The following ETS2 variants were observed in gnomAD, a reference collection of about 807,000 sequenced individuals.
ETS2 encodes ETS proto-oncogene 2, transcription factor.
ETS2 carries 19 observed loss-of-function variants against 54.9 expected under a neutral mutation model. The observed-to-expected ratio is 0.35, with a 90% confidence interval of 0.24 to 0.51. ETS2 has a LOEUF of 0.51. Among genes scored for constraint, ETS2 ranks in the 20% least tolerant of loss-of-function variants. ETS2 has a pLI of 0.97. For synonymous variants in ETS2, 219 were observed against 229.3 expected (o/e 0.95, Z 0.41); for missense variants, 417 against 593.0 (o/e 0.70, Z 3.08).
Position 38,814,187 on chromosome 21 carries a change from T to C in ETS2, c.185-86T>C. The C allele has an allele frequency of 7.1e-7, 1 of 1,403,338 alleles. No homozygotes were observed. Among genetic ancestry groups the C allele is most frequent in the East Asian group, 2.3e-5 (1 of 43,314 alleles). The allele number at this position is 1,403,338 out of a possible 1,614,324, so 86.9% of individuals were successfully genotyped here. On this transcript the variant is annotated intron_variant, in intron 3 of 9. Coordinates refer to ENST00000360938, the MANE Select transcript of ETS2 (RefSeq NM_005239.6). The surrounding 1 kb of genome is among the most constrained non-coding windows in gnomAD (Gnocchi z 4.2). The stretch of plus-strand genomic sequence containing the variant: ...AGGTTTGAGATCAAAATTGTTCTTT[T>C]CCAAAAACTAAGATGTCTCTCCTAA...
chr21:38,819,264 G>A (rs1003073153), intron 7 of ETS2, among the ~76,000 whole-genome samples: 6 of 152,122 alleles, frequency 3.9e-5, no homozygotes, highest in South Asian at 4.1e-4. Context: ...CTTTTTCATC[G>A]CTGTATAGTA....
rs2060890983 is a variant in ETS2, at chr21:38,806,027, G to GGCGCCC, written c.-93_-88dup. 8.1e-7 allele frequency: 1 copy of GGCGCCC among 1,230,024 alleles called. No homozygotes were observed. Among genetic ancestry groups the GGCGCCC allele is most frequent in the African/African-American group, 1.6e-5 (1 of 61,176 alleles). The allele number at this position is 1,230,024 out of a possible 1,614,324, so 76.2% of individuals were successfully genotyped here. A position where few individuals can be genotyped will look rare whatever the true frequency, so the allele number is the denominator to read the frequency against. Reference sequence around the variant, plus strand: ...CCGGCCTCCCTGATCGTCTCTGGCCGGCGCCCTCGCCCTCGCCCGGCGCGC... The same window carrying GGCGCCC: ...CCGGCCTCCCTGATCGTCTCTGGCCGGCGCCCGCGCCCTCGCCCTCGCCCGGCGCGC... On this transcript the variant is annotated 5_prime_UTR_variant, in exon 1 of 10. Transcript: ENST00000360938. This position sits in a 1 kb window ranked among gnomAD's most constrained non-coding sequence, Gnocchi z 4.3.
At position 38,814,417 on chromosome 21, in the gene ETS2, C is replaced by A. The variant is rs778750805; in HGVS notation, c.304+25C>A. 6.2e-7 allele frequency: 1 copy of A among 1,612,684 alleles called. No homozygotes were observed. Among genetic ancestry groups the A allele is most frequent in the East Asian group, 2.2e-5 (1 of 44,868 alleles). On this transcript the variant is annotated intron_variant, in intron 4 of 9. Transcript: ENST00000360938. The surrounding 1 kb of genome is among the most constrained non-coding windows in gnomAD (Gnocchi z 4.2). ...AGTAAGTACTGCTTTCCTGAGCCTGCACTGGGTGAGAAGAACCAACTTCAG... is the reference window on the plus strand; with the variant it reads ...AGTAAGTACTGCTTTCCTGAGCCTGAACTGGGTGAGAAGAACCAACTTCAG...
chr21:38,814,402 G>T lies in ETS2; in HGVS notation c.304+10G>T. On this transcript the variant is annotated intron_variant, in intron 4 of 9. Transcript: ENST00000360938. The surrounding 1 kb of genome is among the most constrained non-coding windows in gnomAD (Gnocchi z 4.2). ...CTGGGCATTCCAAAGAGTAAGTACT[G>T]CTTTCCTGAGCCTGCACTGGGTGAG... The T allele has an allele frequency of 6.2e-7, 1 of 1,613,868 alleles. No homozygotes were observed. Among genetic ancestry groups the T allele is most frequent in the Non-Finnish European group, 8.5e-7 (1 of 1,179,958 alleles).
At chr21:38,815,062 T>C in intron 5 of ETS2, 81 bp downstream of exon 5, 1 of 1,400,118 alleles carries the variant, frequency 7.1e-7, no homozygotes, top group Non-Finnish European at 1.0e-6. Flanking sequence ...ACGTGGGTGT[T>C]CTTCAACCTT....
intron 1 of ETS2, among the ~76,000 whole-genome samples, chr21:38,807,257 G>A (rs971996529): frequency 6.6e-6 from 1 of 152,116 alleles, no homozygotes; most frequent in Non-Finnish European, 1.5e-5. Context: ...TCAAATGTGT[G>A]TTACAAGGTT....
chr21:38,805,643 C>CCCGCGCTCCCTCGCCGCCT, upstream of ETS2: 3 of 1,207,710 alleles, frequency 2.5e-6, no homozygotes, highest in Non-Finnish European at 3.2e-6. This position sits in a 1 kb window ranked among gnomAD's most constrained non-coding sequence, Gnocchi z 5.2. Flanking sequence ...TCAGCCCCGC[C>CCCGCGCTCCCTCGCCGCCT]CCGCGCTCCC....
chr21:38,810,125 ATT>A lies in ETS2; in HGVS notation c.72+29_72+30del. On this transcript the variant is annotated intron_variant, in intron 2 of 9. Coordinates refer to ENST00000360938, the MANE Select transcript of ETS2 (RefSeq NM_005239.6). ...ACTCAAGGTGAGTGGGCAAGTCTTA[ATT>A]TTTTTTTTTAATTGGAAAACTCGAT... 1.2e-5 allele frequency: 15 copies of A among 1,277,680 alleles called. No individual in the cohort carries two copies. The highest frequency in any genetic ancestry group is 1.6e-5 in the South Asian group (1 of 62,626). The allele number at this position is 1,277,680 out of a possible 1,614,324, so 79.1% of individuals were successfully genotyped here.
At chr21:38,807,039 G>A (rs2060896278) in intron 1 of ETS2, among the ~76,000 whole-genome samples, 1 of 152,194 alleles carries the variant, frequency 6.6e-6, no homozygotes, top group Non-Finnish European at 1.5e-5. Flanking sequence ...TACAATGGAA[G>A]CGCCTGTGCG....
rs771729032 is a variant in ETS2 at position 38,814,437 on chromosome 21, C to T, written c.304+45C>T. On this transcript the variant is annotated intron_variant, in intron 4 of 9. Transcript: ENST00000360938. The surrounding 1 kb of genome is among the most constrained non-coding windows in gnomAD (Gnocchi z 4.2). ...GCCTGCACTGGGTGAGAAGAACCAA[C>T]TTCAGTGCAGTTGTTTGATCTTGAC... is the stretch of plus-strand genomic sequence containing the variant. 2 of 1,607,620 alleles carry T rather than the reference C, an allele frequency of 1.2e-6. No individual in the cohort carries two copies. The highest frequency in any genetic ancestry group is 2.7e-5 in the African/African-American group (2 of 74,630).
At chr21:38,815,175 AGT>A (rs3065531) in intron 5 of ETS2, among the ~76,000 whole-genome samples, 194 bp downstream of exon 5, 3,563 of 149,778 alleles carry the variant, frequency 0.024, 141 homozygotes, top group African/African-American at 0.08. Context: ...ACTTTATGTG[AGT>A]GTGTGTGTGT....
intron 9 of ETS2, among the ~76,000 whole-genome samples, chr21:38,822,371 T>G (rs2060961577): frequency 6.6e-6 from 1 of 152,188 alleles, no homozygotes; most frequent in Non-Finnish European, 1.5e-5. Context: ...TGACACCACC[T>G]TTCCCTGGTC....
rs942010096 is a variant in ETS2 at position 38,809,432 on chromosome 21, A to G, written c.1-603A>G. 6.6e-5 allele frequency among the ~76,000 whole-genome samples: 10 copies of G among 152,342 alleles called. 2 individuals are homozygous for G. The highest frequency in any genetic ancestry group is 6.5e-4 in the Admixed American group (10 of 15,300). On this transcript the variant is annotated intron_variant, in intron 1 of 9. Coordinates refer to ENST00000360938, the MANE Select transcript of ETS2 (RefSeq NM_005239.6). ...ATATTTTGAGCTCTGTATTCAAAGC[A>G]GGAAGATCTGGGACCATGTAAGGGG...
rs950430353 is a variant in ETS2 at position 38,806,965 on chromosome 21, C to T, written c.-1+845C>T. On this transcript the variant is annotated intron_variant, in intron 1 of 9. Transcript: ENST00000360938. This position sits in a 1 kb window ranked among gnomAD's most constrained non-coding sequence, Gnocchi z 4.3. The stretch of plus-strand genomic sequence containing the variant: ...GTTATTTAGAAAGTAAAGAAATGAG[C>T]AGTCCCCTTTGGAGACAGGAGTAAT... 1.3e-5 allele frequency among the ~76,000 whole-genome samples: 2 copies of T among 152,198 alleles called. No homozygotes were observed. The highest frequency in any genetic ancestry group is 4.8e-5 in the African/African-American group (2 of 41,448).
intron 5 of ETS2, 23 bp from the exon 6 acceptor site, chr21:38,816,985 C>G: frequency 3.6e-6 from 5 of 1,402,312 alleles, no homozygotes; most frequent in Non-Finnish European, 5.1e-6. Flanking sequence ...TGCCATCTTA[C>G]GTCTCCTGTG....
intron 3 of ETS2, among the ~76,000 whole-genome samples, 177 bp downstream of exon 3, chr21:38,813,291 G>A (rs2060920688): frequency 1.3e-5 from 2 of 152,230 alleles, no homozygotes; most frequent in African/African-American, 4.8e-5. Context: ...TGGTGATTCT[G>A]ATGTGGATTC....
upstream of ETS2, chr21:38,805,902 A>T: frequency 8.1e-7 from 1 of 1,232,744 alleles, no homozygotes; most frequent in Non-Finnish European, 1.0e-6. This position sits in a 1 kb window ranked among gnomAD's most constrained non-coding sequence, Gnocchi z 5.2. Context: ...CCCGCTCCTG[A>T]AGAGCGCGCC....
intron 7 of ETS2, 101 bp downstream of exon 7, chr21:38,818,747 A>G (rs1181662907): frequency 1.2e-5 from 16 of 1,358,634 alleles, no homozygotes; most frequent in Non-Finnish European, 1.7e-5. Context: ...TTCAGCCATT[A>G]GAGAAGGGGG....
Position 38,821,776 on chromosome 21 carries a change from C to A in ETS2, c.1194+72C>A, listed in dbSNP as rs1307114247. 11 of 1,098,510 alleles carry A rather than the reference C, an allele frequency of 1.0e-5. No individual in the cohort carries two copies. The highest frequency in any genetic ancestry group is 9.3e-5 in the African/African-American group (6 of 64,560). 68.0% of individuals were successfully genotyped at this position (1,098,510 alleles called of 1,614,324 possible). A position where few individuals can be genotyped will look rare whatever the true frequency, so the allele number is the denominator to read the frequency against. ...CCTGCTTGCATTCAAAAACTCAGTTCTTTGGGCACAAAAAAGGGTTCACCA... is the reference window on the plus strand; with the variant it reads ...CCTGCTTGCATTCAAAAACTCAGTTATTTGGGCACAAAAAAGGGTTCACCA... On this transcript the variant is annotated intron_variant, in intron 9 of 9. Transcript: ENST00000360938. This position sits in a 1 kb window ranked among gnomAD's most constrained non-coding sequence, Gnocchi z 4.2.
Sources: gnomAD v4.1 joint callset for allele counts (sites outside exome capture counted in the v4.1 genomes callset) on GRCh38, gnomAD v4.1.1 for gene constraint, Gnocchi (gnomAD v3.1) non-coding constraint, MANE v1.5 for transcripts, NCBI Gene and HGNC (gene_info 2026-07-23, HGNC 2026-07-21) for gene names.